The following ASTE1 variants were observed in gnomAD, a reference collection of about 807,000 sequenced individuals.
ASTE1 encodes single-strand DNA endonuclease ASTE1.
In ASTE1, 49 loss-of-function variants were observed where a neutral mutation model predicts 45.8. The ratio of observed to expected loss-of-function variants is 1.07; its 90% CI spans 0.85 to 1.36. The LOEUF is 1.36. ASTE1 is among the 40% of genes most tolerant of loss of function. ASTE1 has a pLI of 0.00. For synonymous variants in ASTE1, 296 were observed against 303.9 expected, an observed-to-expected ratio of 0.97 and a Z score of 0.27; for missense variants, 709 against 804.0, an observed-to-expected ratio of 0.88 and a Z score of 1.43.
chr3:131,015,227 T>A, intron 5 of ASTE1: 1 of 702,362 alleles, frequency 1.4e-6, no homozygotes, highest in Non-Finnish European at 2.6e-6. Context: ...CGTCCATATA[T>A]CCTCATTCAA....
chr3:131,016,681 A>C (rs953601131), intron 4 of ASTE1: 3 of 339,570 alleles, frequency 8.8e-6, no homozygotes, highest in Admixed American at 8.7e-5. Flanking sequence ...ACTATTAAAT[A>C]TTATTCTCTT....
Position 131,026,765 on chromosome 3 carries a change from T to C in ASTE1, c.-405A>G, listed in dbSNP as rs937306796. On this transcript the variant is annotated 5_prime_UTR_variant, in exon 1 of 6. Coordinates refer to ENST00000264992, the MANE Select transcript of ASTE1 (RefSeq NM_014065.4). ...ATGGCTGCTGTCAGGCTAGGAAAGC[T>C]TGGCCCGCCGGTCCTCCTCTGCTTT... is the stretch of plus-strand genomic sequence containing the variant. 1.3e-5 allele frequency: 2 copies of C among 152,368 alleles called. No individual in the cohort carries two copies. The highest frequency in any genetic ancestry group is 2.4e-5 in the African/African-American group (1 of 41,452). The allele number at this position is 152,368 out of a possible 1,614,324, so 9.4% of individuals were successfully genotyped here. A position where few individuals can be genotyped will look rare whatever the true frequency, so the allele number is the denominator to read the frequency against.
Position 131,014,224 on chromosome 3 carries a change from T to C in ASTE1, c.1873A>G (p.Arg625Gly), listed in dbSNP as rs765808356. The change falls in exon 6 of 6, where the codon AGA becomes GGA. Residue 625 changes from arginine (R) to glycine (G), a missense_variant. By Grantham distance (125) the Arg-to-Gly change is moderately radical. Transcript: ENST00000264992. ...APAEIFLPKG[R>G]SNSKKKRQKK... is the part of the protein sequence containing the mutation. ...TGCCTTTTTTTTTTTGAATTTGATC[T>C]ACCTTTTGGTAGGAATATTTCAGCG... The C allele has an allele frequency of 1.1e-5, 18 of 1,613,904 alleles. No individual in the cohort carries two copies. The highest frequency in any genetic ancestry group is 1.5e-5 in the Non-Finnish European group (18 of 1,179,926).
chr3:131,015,924 A>T, intron 5 of ASTE1: 1 of 686,460 alleles, frequency 1.5e-6, no homozygotes. Context: ...AATTGGATTG[A>T]ATCATGGAAA....
rs185693362 is a variant in ASTE1, at chr3:131,019,445, G to T, written c.1303-729C>A. Among the ~76,000 whole-genome samples, 343 of 152,290 alleles carry T rather than the reference G, an allele frequency of 2.3e-3. 6 individuals carry two copies. The highest frequency in any genetic ancestry group is 0.014 in the Admixed American group (207 of 15,302). Reference sequence around the variant, plus strand: ...CCATACTTTTACTTCATGGTTTAGCGTGTACTTCAAATAAAAGCTCAGAAG... The same window carrying T: ...CCATACTTTTACTTCATGGTTTAGCTTGTACTTCAAATAAAAGCTCAGAAG... On this transcript the variant is annotated intron_variant, in intron 3 of 5. Coordinates refer to ENST00000264992, the MANE Select transcript of ASTE1 (RefSeq NM_014065.4).
chr3:131,024,797 A>G lies in ASTE1; in HGVS notation c.510T>C (p.Thr170=), dbSNP rs1176758013. 5 of 1,614,202 alleles carry G rather than the reference A, an allele frequency of 3.1e-6. No homozygotes were observed. Among genetic ancestry groups the G allele is most frequent in the Non-Finnish European group, 3.4e-6 (4 of 1,180,040 alleles). ...DSDFCIFDLK[T]GFCPLNSFQW... ...GAAAGCTATTCAATGGGCAAAACCC[A>G]GTTTTCAGGTCAAAAATGCAAAAGT... The change falls in exon 3 of 6, where the codon ACT becomes ACC. Residue 170 remains threonine (T), a synonymous_variant. Transcript: ENST00000264992.
intron 5 of ASTE1, chr3:131,015,406 T>C: frequency 3.4e-6 from 2 of 583,224 alleles, no homozygotes; most frequent in Middle Eastern, 2.6e-4. Context: ...GTCCAATCCA[T>C]TGATCCTATC....
intron 3 of ASTE1, among the ~76,000 whole-genome samples, chr3:131,023,585 C>G (rs947962898): frequency 1.3e-5 from 2 of 152,160 alleles, no homozygotes; most frequent in East Asian, 3.8e-4. Context: ...CTAACCTTAT[C>G]TGAAATCCGA....
At chr3:131,017,091 G>T in intron 4 of ASTE1, 1 of 1,267,554 alleles carries the variant, frequency 7.9e-7, no homozygotes, top group African/African-American at 1.5e-5. Context: ...CCCTTCTCTT[G>T]GACTCAGGTA....
intron 3 of ASTE1, among the ~76,000 whole-genome samples, chr3:131,022,598 C>T (rs1039227593): frequency 6.6e-6 from 1 of 151,964 alleles, no homozygotes; most frequent in South Asian, 2.1e-4. Context: ...GCTGGGCTTA[C>T]AGGCATGAGC....
rs1417016665 is a variant in ASTE1 at position 131,024,837 on chromosome 3, AAC to A, written c.468_469del (p.Leu157IlefsTer4). On this transcript the variant is annotated frameshift_variant, in exon 3 of 6. Transcript: ENST00000264992. LOFTEE classifies it high-confidence loss of function. The stretch of plus-strand genomic sequence containing the variant: ...AATGCAAAAGTCACTATCTGATGAT[AAC>A]ACAGGGCAATTCCAATGGTTAGCAA... The A allele has an allele frequency of 1.2e-6, 2 of 1,614,092 alleles. No homozygotes were observed. The highest frequency in any genetic ancestry group is 1.7e-6 in the Non-Finnish European group (2 of 1,180,052).
chr3:131,019,873 T>C (rs532173795), intron 3 of ASTE1, among the ~76,000 whole-genome samples: 144 of 152,300 alleles, frequency 9.5e-4, no homozygotes, highest in African/African-American at 3.3e-3. Context: ...TTTAATAATA[T>C]TGTGATACAA....
At chr3:131,016,887 G>A in intron 4 of ASTE1, 3 of 772,966 alleles carry the variant, frequency 3.9e-6, no homozygotes, top group Non-Finnish European at 5.5e-6. Flanking sequence ...AGGAAATAAG[G>A]AATGTTGTGT....
At chr3:131,015,035 G>A (rs1157828295) in intron 5 of ASTE1, 5 of 519,906 alleles carry the variant, frequency 9.6e-6, no homozygotes, top group African/African-American at 1.9e-5. Context: ...TAACTAAAGA[G>A]GATCCAGTCA....
At chr3:131,018,480 T>TACAGGTAGGTA in intron 4 of ASTE1, 26 bp downstream of exon 4, 1 of 1,601,202 alleles carries the variant, frequency 6.2e-7, no homozygotes, top group South Asian at 1.1e-5. Context: ...TGCCACAATA[T>TACAGGTAGGTA]ACTCCTGTAA....
At chr3:131,018,853 A>T in intron 3 of ASTE1, 137 bp from the exon 4 acceptor site, 1 of 814,782 alleles carries the variant, frequency 1.2e-6, no homozygotes, top group South Asian at 1.8e-5. Flanking sequence ...TGGGAAAAAA[A>T]ATCAGCCACA....
rs34786162 is a variant in ASTE1, at chr3:131,016,296, T to G, written c.1557A>C (p.Ala519=). 422 of 1,614,094 alleles carry G rather than the reference T, an allele frequency of 2.6e-4. No individual in the cohort carries two copies. Among genetic ancestry groups the G allele is most frequent in the Admixed American group, 6.5e-4 (39 of 59,998 alleles). Residue 519 remains alanine (A), a synonymous_variant, in exon 5 of 6, where the codon GCA becomes GCC. Coordinates refer to ENST00000264992, the MANE Select transcript of ASTE1 (RefSeq NM_014065.4). ...LQEDGAKMLY[A]EFQRVKAQTR... ...TCTGCGCCTTCACTCTTTGGAACTC[T>G]GCATACAACATCTTAGCACCATCTT...
chr3:131,021,184 AAT>A (rs1381252184), intron 3 of ASTE1, among the ~76,000 whole-genome samples: 2 of 152,360 alleles, frequency 1.3e-5, no homozygotes, highest in African/African-American at 2.4e-5. Context: ...GACTATTCAC[AAT>A]ATGTTATTTG....
At chr3:131,025,451 A>G (rs758923072) in intron 2 of ASTE1, 23 bp downstream of exon 2, 5 of 1,286,320 alleles carry the variant, frequency 3.9e-6, no homozygotes, top group Middle Eastern at 2.4e-4. Context: ...TAGAACATAG[A>G]TATCAACATC....
Sources: gnomAD v4.1 joint callset for allele counts (sites outside exome capture counted in the v4.1 genomes callset) on GRCh38, gnomAD v4.1.1 for gene constraint, MANE v1.5 for transcripts, NCBI Gene and HGNC (gene_info 2026-07-23, HGNC 2026-07-21) for gene names.